The following ITPK1 variants were observed in gnomAD, a reference collection of about 807,000 sequenced individuals.
ITPK1 encodes the protein inositol 1,3,4-trisphosphate 5/6-kinase.
In ITPK1, 21 loss-of-function variants were observed where a neutral mutation model predicts 45.3. The observed-to-expected ratio is 0.46, with a 90% CI of 0.33 to 0.67. ITPK1 has a LOEUF of 0.67. Ranked by LOEUF, ITPK1 falls within the 30% of genes least tolerant of loss-of-function variation. ITPK1 has a pLI of 0.02. For missense variants in ITPK1, 474 were observed against 573.5 expected (o/e 0.83, Z 1.77); for synonymous variants, 258 against 253.6 (o/e 1.02, Z -0.16).
intron 5 of ITPK1, among the ~76,000 whole-genome samples, chr14:92,965,138 T>C (rs1885278463): frequency 6.6e-6 from 1 of 152,206 alleles, no homozygotes; most frequent in Non-Finnish European, 1.5e-5. Flanking sequence ...AAAGTGCCCA[T>C]GGAGCTCCCT....
chr14:93,059,441 C>G (rs1595177409), intron 3 of ITPK1, among the ~76,000 whole-genome samples: 1 of 43,988 alleles, frequency 2.3e-5, no homozygotes, highest in African/African-American at 1.1e-4. Context: ...GATCCCGAGG[C>G]AGGGACGGAG....
chr14:93,014,572 C>T lies in ITPK1; in HGVS notation c.246+2104G>A, dbSNP rs1888079650. On this transcript the variant is annotated intron_variant, in intron 4 of 10. Transcript: ENST00000267615. This position sits in a 1 kb window ranked among gnomAD's most constrained non-coding sequence, Gnocchi z 4.4. The stretch of plus-strand genomic sequence containing the variant: ...CCACCCAAGGAGGAAGGAACTGAGG[C>T]TGTGGGGAGGCACGCGGTTCCTAAG... Among the ~76,000 whole-genome samples the T allele has an allele frequency of 6.6e-6, 1 of 152,336 alleles. No homozygotes were observed. The highest frequency in any genetic ancestry group is 1.9e-4 in the East Asian group (1 of 5,188).
intron 3 of ITPK1, among the ~76,000 whole-genome samples, chr14:93,023,665 G>C (rs1475436211): frequency 6.6e-6 from 1 of 152,222 alleles, no homozygotes; most frequent in Non-Finnish European, 1.5e-5. Flanking sequence ...CTGCAAGGTT[G>C]AGAACAGGAT....
chr14:93,069,527 A>T (rs1890900381), intron 3 of ITPK1: 1 of 154,008 alleles, frequency 6.5e-6, no homozygotes, highest in East Asian at 1.9e-4. Flanking sequence ...GTCAGGAGGT[A>T]TGGCCTCCAT....
chr14:93,101,807 G>C (rs8006228), intron 2 of ITPK1, among the ~76,000 whole-genome samples: 2 of 152,004 alleles, frequency 1.3e-5, no homozygotes, highest in Non-Finnish European at 2.9e-5. Context: ...CTGAGATCGC[G>C]GCACTGTGCA....
At chr14:92,999,988 C>T (rs971535649) in intron 4 of ITPK1, among the ~76,000 whole-genome samples, 2 of 152,210 alleles carry the variant, frequency 1.3e-5, no homozygotes, top group Admixed American at 6.5e-5. Flanking sequence ...TTCCTTCAAG[C>T]GAAGCCATGT....
intron 3 of ITPK1, among the ~76,000 whole-genome samples, chr14:93,017,753 G>T (rs1888259346): frequency 6.6e-6 from 1 of 152,204 alleles, no homozygotes; most frequent in Non-Finnish European, 1.5e-5. Flanking sequence ...CCCCAAGTGG[G>T]TTTCCCTCCA....
chr14:92,966,871 C>T (rs1210694873), intron 5 of ITPK1, among the ~76,000 whole-genome samples: 1 of 152,234 alleles, frequency 6.6e-6, no homozygotes, highest in Non-Finnish European at 1.5e-5. Flanking sequence ...ACAAATGGTG[C>T]TTGGACAACT....
rs1459896208 is a variant in ITPK1, at chr14:92,938,955, T to C, written c.*2606A>G. ...GCCAAAGTGTGGTCTGGCCCCTTGC[T>C]CCTGGAGCCCTTCAGCACATCCAGG... On this transcript the variant is annotated 3_prime_UTR_variant, in exon 11 of 11. Transcript: ENST00000267615. 4 of 194,128 alleles carry C rather than the reference T, an allele frequency of 2.1e-5. No homozygotes were observed. The Admixed American group carries it at 2.3e-4, about 11-fold the overall frequency. 12.0% of individuals were successfully genotyped at this position (194,128 alleles called of 1,614,324 possible). A position where few individuals can be genotyped will look rare whatever the true frequency, so the allele number is the denominator to read the frequency against.
rs148080906 is a variant in ITPK1, at chr14:93,109,183, C to T, written c.95+5886G>A. Among the ~76,000 whole-genome samples, 660 of 152,240 alleles carry T rather than the reference C, an allele frequency of 4.3e-3. 2 individuals carry two copies. Among genetic ancestry groups the T allele is most frequent in the African/African-American group, 0.015 (633 of 41,534 alleles). On this transcript the variant is annotated intron_variant, in intron 2 of 10. Coordinates refer to ENST00000267615, the MANE Select transcript of ITPK1 (RefSeq NM_014216.6). Reference sequence around the variant, plus strand: ...ATGTTCCATCCTTTTAAGAACTGGACCACACAGCTGTTTAAAAAAAAAGAG... The same window carrying T: ...ATGTTCCATCCTTTTAAGAACTGGATCACACAGCTGTTTAAAAAAAAAGAG...
intron 3 of ITPK1, among the ~76,000 whole-genome samples, chr14:93,019,920 A>G (rs77093410): frequency 0.056 from 8,562 of 152,238 alleles, 459 homozygotes; most frequent in African/African-American, 0.13. Context: ...CCCCAGAAAA[A>G]AGAACATTCC....
rs1312533948 is a variant in ITPK1 at position 92,939,960 on chromosome 14, G to GT, written c.*1600dup. On this transcript the variant is annotated 3_prime_UTR_variant, in exon 11 of 11. Coordinates refer to ENST00000267615, the MANE Select transcript of ITPK1 (RefSeq NM_014216.6). ...GGGCTCAGGGTCAGAACTAGGAAAG[G>GT]TGACGTACAGACATTAATCGGGGTT... 13 of 985,774 alleles carry GT rather than the reference G, an allele frequency of 1.3e-5. No homozygotes were observed. The highest frequency in any genetic ancestry group is 1.6e-5 in the Non-Finnish European group (13 of 829,956). The allele number at this position is 985,774 out of a possible 1,614,324, so 61.1% of individuals were successfully genotyped here. A position where few individuals can be genotyped will look rare whatever the true frequency, so the allele number is the denominator to read the frequency against.
At chr14:93,035,972 C>A (rs920087273) in intron 3 of ITPK1, among the ~76,000 whole-genome samples, 2 of 152,220 alleles carry the variant, frequency 1.3e-5, no homozygotes, top group African/African-American at 4.8e-5. Flanking sequence ...CTCTTCCCAG[C>A]CTGACTCCGG....
At chr14:92,992,784 C>T (rs1187464465) in intron 5 of ITPK1, among the ~76,000 whole-genome samples, 1 of 152,244 alleles carries the variant, frequency 6.6e-6, no homozygotes, top group East Asian at 1.9e-4. Flanking sequence ...TGGATGCTGG[C>T]CCAGCCACCT....
At chr14:93,092,889 C>T (rs1225400142) in intron 2 of ITPK1, among the ~76,000 whole-genome samples, 3 of 152,186 alleles carry the variant, frequency 2.0e-5, no homozygotes, top group Non-Finnish European at 4.4e-5. Context: ...GCGCACTCCC[C>T]TGCCTCAGCC....
intron 3 of ITPK1, among the ~76,000 whole-genome samples, chr14:93,019,576 C>T (rs1036647885): frequency 3.3e-5 from 5 of 152,182 alleles, no homozygotes; most frequent in Admixed American, 2.6e-4. Flanking sequence ...CTCGCTGTGG[C>T]GTCTGTGCTG....
At chr14:93,035,592 G>A (rs968647696) in intron 3 of ITPK1, among the ~76,000 whole-genome samples, 7 of 152,084 alleles carry the variant, frequency 4.6e-5, no homozygotes, top group Admixed American at 2.0e-4. Context: ...GAAACAGGAC[G>A]GGAGGGAGGG....
In ITPK1 at chr14:93,004,456, G is replaced by A. The variant is rs567032439; in HGVS notation, c.247-10459C>T. Among the ~76,000 whole-genome samples the A allele has an allele frequency of 1.6e-4, 24 of 152,306 alleles. No homozygotes were observed. In the South Asian group the frequency reaches 4.8e-3, roughly 30 times the overall value. The stretch of plus-strand genomic sequence containing the variant: ...TTTGTATTCCAGAGAAATCTCCCAC[G>A]TCTGAGCACTCAGCCTGAGGCCTCC... On this transcript the variant is annotated intron_variant, in intron 4 of 10. Coordinates refer to ENST00000267615, the MANE Select transcript of ITPK1 (RefSeq NM_014216.6).
intron 2 of ITPK1, among the ~76,000 whole-genome samples, chr14:93,092,876 A>C (rs1891918109): frequency 6.6e-6 from 1 of 152,148 alleles, no homozygotes; most frequent in Non-Finnish European, 1.5e-5. Flanking sequence ...GCTGGGCTGA[A>C]GAGCGCACTC....
Sources: allele counts gnomAD v4.1 joint callset (sites outside exome capture counted in the v4.1 genomes callset), GRCh38; gene constraint gnomAD v4.1.1; non-coding constraint Gnocchi (gnomAD v3.1); transcripts MANE v1.5; gene names NCBI Gene and HGNC (gene_info 2026-07-23, HGNC 2026-07-21).